VKORC1L1: variants seen among roughly 807,000 people sequenced by gnomAD.
VKORC1L1 encodes the protein vitamin K epoxide reductase complex subunit 1L1, also known as vitamin K epoxide reductase complex subunit 1-like protein 1.
In VKORC1L1, 2 loss-of-function variants were observed where a neutral mutation model predicts 18.9. The observed-to-expected ratio is 0.11, with a 90% CI of 0.04 to 0.33. The LOEUF is 0.33. Among genes scored for constraint, VKORC1L1 ranks in the 10% least tolerant of loss-of-function variants. The probability of loss-of-function intolerance (pLI) is 1.00; values close to 1 mark genes in which losing one functional copy is unlikely to be tolerated. For synonymous variants in VKORC1L1, 96 were observed against 100.0 expected (o/e 0.96, Z 0.24); for missense variants, 123 against 224.1 (o/e 0.55, Z 2.88).
upstream of VKORC1L1, among the ~76,000 whole-genome samples, chr7:65,873,038 C>T (rs1490045662): frequency 1.4e-5 from 2 of 145,556 alleles, no homozygotes; most frequent in South Asian, 2.2e-4. Context: ...ACCCCTCGCG[C>T]GCGACCGGCC....
chr7:65,901,768 A>C (rs899909433), intron 1 of VKORC1L1, among the ~76,000 whole-genome samples: 1 of 152,136 alleles, frequency 6.6e-6, no homozygotes, highest in African/African-American at 2.4e-5. Flanking sequence ...GTCTCCTGAA[A>C]TCTGGTTGAG....
At chr7:65,938,222 A>G (rs34529418) in intron 1 of VKORC1L1, among the ~76,000 whole-genome samples, 19,311 of 152,266 alleles carry the variant, frequency 0.13, 1,385 homozygotes, top group Middle Eastern at 0.21. Flanking sequence ...GAAAAAAAAA[A>G]TGATATCCTT....
chr7:65,953,105 C>CT (rs1172307004), intron 2 of VKORC1L1, among the ~76,000 whole-genome samples: 1 of 152,114 alleles, frequency 6.6e-6, no homozygotes, highest in African/African-American at 2.4e-5. Context: ...CTTCAGGTGC[C>CT]TTTTTGTATT....
rs1790262405 is a variant in VKORC1L1, at chr7:65,954,455, G to C, written c.*155G>C. 1 of 1,256,140 alleles carries C rather than the reference G, an allele frequency of 8.0e-7. No homozygotes were observed. Among genetic ancestry groups the C allele is most frequent in the Non-Finnish European group, 1.0e-6 (1 of 956,126 alleles). The allele number at this position is 1,256,140 out of a possible 1,614,324, so 77.8% of individuals were successfully genotyped here. On this transcript the variant is annotated 3_prime_UTR_variant, in exon 3 of 3. Transcript: ENST00000360768. ...TTTAAAAATCCGGTAAATTAGAAGG[G>C]GCCCTCGCTATTTTCTGTGTCAGTC...
chr7:65,930,814 G>C (rs1467536698), intron 1 of VKORC1L1, among the ~76,000 whole-genome samples: 3 of 152,018 alleles, frequency 2.0e-5, no homozygotes, highest in Non-Finnish European at 2.9e-5. Context: ...CTATCTTAGG[G>C]AGAAAGAATT....
At chr7:65,930,535 G>A (rs1246708675) in intron 1 of VKORC1L1, among the ~76,000 whole-genome samples, 1 of 152,176 alleles carries the variant, frequency 6.6e-6, no homozygotes, top group East Asian at 1.9e-4. Flanking sequence ...TTGCTACAGC[G>A]GTTGTAGTTT....
At chr7:65,942,961 T>G (rs1365066125) in intron 1 of VKORC1L1, among the ~76,000 whole-genome samples, 1 of 152,212 alleles carries the variant, frequency 6.6e-6, no homozygotes, top group African/African-American at 2.4e-5. Flanking sequence ...TCAGACAATA[T>G]AGTGATAACC....
chr7:65,873,001 GCCCCACCCCTT>G (rs1788747814), upstream of VKORC1L1, among the ~76,000 whole-genome samples: 1 of 23,128 alleles, frequency 4.3e-5, no homozygotes, highest in Non-Finnish European at 1.0e-4. Context: ...CCCCACCCCT[GCCCCACCCCTT>G]TCTCCCCCGG....
chr7:65,899,010 A>T (rs1789264430), intron 1 of VKORC1L1, among the ~76,000 whole-genome samples: 1 of 152,198 alleles, frequency 6.6e-6, no homozygotes, highest in Non-Finnish European at 1.5e-5. Context: ...TTTGTTTATT[A>T]TCCATTTTTA....
chr7:65,873,708 A>C, intron 1 of VKORC1L1, 143 bp downstream of exon 1: 1 of 66,466 alleles, frequency 1.5e-5, no homozygotes, highest in Non-Finnish European at 2.6e-5. Flanking sequence ...GGTCGGGGCC[A>C]GGCGGGGGGC....
At chr7:65,872,184 C>T (rs571247977), upstream of VKORC1L1, among the ~76,000 whole-genome samples, 10 of 152,244 alleles carry the variant, frequency 6.6e-5, no homozygotes, top group African/African-American at 2.2e-4. Context: ...GTTCTTATTC[C>T]TGGCCTTTCA....
intron 1 of VKORC1L1, among the ~76,000 whole-genome samples, chr7:65,906,019 T>G (rs1298511074): frequency 2.0e-5 from 3 of 152,110 alleles, no homozygotes; most frequent in African/African-American, 7.2e-5. Flanking sequence ...GTTTTCTTCA[T>G]TCACTTCTTT....
At chr7:65,898,130 C>T (rs1240095942) in intron 1 of VKORC1L1, among the ~76,000 whole-genome samples, 2 of 138,618 alleles carry the variant, frequency 1.4e-5, no homozygotes, top group African/African-American at 5.3e-5. Flanking sequence ...ACTTTGTCAC[C>T]CAGGCTGGAG....
chr7:65,919,682 A>C (rs1388906156), intron 1 of VKORC1L1, among the ~76,000 whole-genome samples: 1 of 152,196 alleles, frequency 6.6e-6, no homozygotes, highest in African/African-American at 2.4e-5. Context: ...GGATCATTGC[A>C]GTAGCAGACT....
At chr7:65,923,709 G>C (rs1260320717) in intron 1 of VKORC1L1, among the ~76,000 whole-genome samples, 1 of 152,210 alleles carries the variant, frequency 6.6e-6, no homozygotes, top group East Asian at 1.9e-4. Flanking sequence ...AGTGTTTCCA[G>C]CTGAATGGGC....
intron 1 of VKORC1L1, among the ~76,000 whole-genome samples, chr7:65,904,504 A>C (rs1277819433): frequency 6.6e-6 from 1 of 152,176 alleles, no homozygotes; most frequent in Non-Finnish European, 1.5e-5. Flanking sequence ...CGTGCCTGGC[A>C]GAAACCTTAC....
intron 1 of VKORC1L1, among the ~76,000 whole-genome samples, chr7:65,905,041 G>GTA (rs556663893): frequency 1.3e-5 from 2 of 151,936 alleles, no homozygotes; most frequent in Non-Finnish European, 2.9e-5. Context: ...ATATAGGTAT[G>GTA]TATATATATA....
In VKORC1L1 at chr7:65,958,090, T is replaced by TAACA. The variant is rs1790329397; in HGVS notation, c.*3791_*3794dup. On this transcript the variant is annotated 3_prime_UTR_variant, in exon 3 of 3. Coordinates refer to ENST00000360768, the MANE Select transcript of VKORC1L1 (RefSeq NM_173517.6). ...ATTTCTGTCCTCGTGTCTTTTTCTCTAACACACAGTCATGGGTGAAACATT... is the reference window on the plus strand; with the variant it reads ...ATTTCTGTCCTCGTGTCTTTTTCTCTAACAAACACACAGTCATGGGTGAAACATT... 6.6e-6 allele frequency: 1 copy of TAACA among 152,212 alleles called. No homozygotes were observed. The highest frequency in any genetic ancestry group is 1.5e-5 in the Non-Finnish European group (1 of 68,040). The allele number at this position is 152,212 out of a possible 1,614,324, so 9.4% of individuals were successfully genotyped here. A position where few individuals can be genotyped will look rare whatever the true frequency, so the allele number is the denominator to read the frequency against.
rs571703687 is a variant in VKORC1L1, at chr7:65,942,959, T to C, written c.195-5712T>C. Reference sequence around the variant, plus strand: ...TCATTCTGGGCTCTGTGTCAGACAATATAGTGATAACCATATAAACAATAT... The same window carrying C: ...TCATTCTGGGCTCTGTGTCAGACAACATAGTGATAACCATATAAACAATAT... On this transcript the variant is annotated intron_variant, in intron 1 of 2. Transcript: ENST00000360768. Among the ~76,000 whole-genome samples, 4 of 152,312 alleles carry C rather than the reference T, an allele frequency of 2.6e-5. No homozygotes were observed. In the South Asian group the frequency reaches 8.3e-4, roughly 32 times the overall value.
Sources: gnomAD v4.1 joint callset for allele counts (sites outside exome capture counted in the v4.1 genomes callset) on GRCh38, gnomAD v4.1.1 for gene constraint, MANE v1.5 for transcripts, NCBI Gene and HGNC (gene_info 2026-07-23, HGNC 2026-07-21) for gene names.